The following MEF2C variants were observed in gnomAD, a reference collection of about 807,000 sequenced individuals.
The protein encoded by MEF2C is myocyte-specific enhancer factor 2C.
Under a neutral mutation model 50.5 loss-of-function variants are expected in MEF2C, and 6 were observed. The observed-to-expected ratio is 0.12, with a 90% CI of 0.07 to 0.23. The LOEUF (loss-of-function observed/expected upper bound fraction) is 0.23, where lower values mean the gene tolerates loss of function less well. MEF2C is among the 10% of genes least tolerant of loss of function. MEF2C has a pLI of 1.00. For synonymous variants in MEF2C, 183 were observed against 228.0 expected, an observed-to-expected ratio of 0.80 and a Z score of 1.78; for missense variants, 276 against 605.0, an observed-to-expected ratio of 0.46 and a Z score of 5.70.
chr5:88,767,770 C>G (rs1388217465), intron 3 of MEF2C, among the ~76,000 whole-genome samples: 1 of 152,162 alleles, frequency 6.6e-6, no homozygotes, highest in Non-Finnish European at 1.5e-5. Context: ...AAAAGACACA[C>G]TAATTAAAGA....
chr5:88,879,309 T>C (rs1303900391), intron 1 of MEF2C, among the ~76,000 whole-genome samples: 4 of 151,524 alleles, frequency 2.6e-5, no homozygotes, highest in Non-Finnish European at 5.9e-5. Flanking sequence ...CTTTATTCTC[T>C]GAAATAAACT....
intron 1 of MEF2C, chr5:88,881,120 C>A (rs1308822035): frequency 6.6e-6 from 1 of 152,016 alleles, no homozygotes; most frequent in Non-Finnish European, 1.5e-5. Context: ...AAGGTAACAG[C>A]CACCTACTGT....
At chr5:88,874,808 T>C (rs1294613368) in intron 1 of MEF2C, among the ~76,000 whole-genome samples, 3 of 152,002 alleles carry the variant, frequency 2.0e-5, no homozygotes, top group African/African-American at 4.8e-5. Flanking sequence ...CTAACATTTA[T>C]ACACTATTCA....
intron 10 of MEF2C, among the ~76,000 whole-genome samples, chr5:88,723,241 T>G (rs1349312590): frequency 2.0e-5 from 3 of 152,240 alleles, no homozygotes; most frequent in Non-Finnish European, 4.4e-5. Context: ...AAAAGCATTT[T>G]CTGTGTTCAT....
rs547657633 is a variant in MEF2C at position 88,805,962 on chromosome 5, C to A, written c.55-1161G>T. Among the ~76,000 whole-genome samples, 43 of 145,464 alleles carry A rather than the reference C, an allele frequency of 3.0e-4. No homozygotes were observed. In the South Asian group the frequency reaches 9.2e-3, roughly 31 times the overall value. ...TGTAGAGTACTGTTCCTATAAAATA[C>A]TCCTTAAGAAAAAAGTTCAGTGGCC... On this transcript the variant is annotated intron_variant, in intron 2 of 10. Transcript: ENST00000504921.
intron 3 of MEF2C, among the ~76,000 whole-genome samples, chr5:88,781,474 C>T (rs1038866734): frequency 6.6e-5 from 10 of 152,044 alleles, no homozygotes; most frequent in Admixed American, 5.9e-4. Flanking sequence ...AGAATGTTGC[C>T]CAAGATCACA....
chr5:88,891,277 A>G (rs1561493463), intron 1 of MEF2C, among the ~76,000 whole-genome samples: 1 of 152,226 alleles, frequency 6.6e-6, no homozygotes, highest in Non-Finnish European at 1.5e-5. Context: ...GGTGTCACCT[A>G]AAGTGAAAAT....
chr5:88,772,627 A>G (rs1782883185), intron 3 of MEF2C: 1 of 634,092 alleles, frequency 1.6e-6, no homozygotes, highest in South Asian at 7.0e-5. Context: ...TCAAGGACCA[A>G]TTCTGGATTG....
At chr5:88,757,502 C>G (rs1018599366) in intron 4 of MEF2C, among the ~76,000 whole-genome samples, 9 of 152,194 alleles carry the variant, frequency 5.9e-5, no homozygotes, top group Non-Finnish European at 1.3e-4. Flanking sequence ...ACAAGTCTAT[C>G]ATGGACTTGT....
intron 3 of MEF2C, among the ~76,000 whole-genome samples, chr5:88,802,362 G>A (rs936459184): frequency 6.6e-6 from 1 of 152,184 alleles, no homozygotes; most frequent in African/African-American, 2.4e-5. Flanking sequence ...TGCTGTTTTT[G>A]TGGCATTTAA....
chr5:88,887,852 G>A (rs948081812), upstream of MEF2C, among the ~76,000 whole-genome samples: 2 of 152,192 alleles, frequency 1.3e-5, no homozygotes, highest in African/African-American at 4.8e-5. Flanking sequence ...TATACAGCAT[G>A]TGGAATGTCT....
chr5:88,734,586 T>TTTTTTTTTTTTTTTTTTTTTC (rs1763275632), intron 6 of MEF2C: 1 of 940,212 alleles, frequency 1.1e-6, no homozygotes, highest in Non-Finnish European at 1.3e-6. Context: ...TTTTTTTTTT[T>TTTTTTTTTTTTTTTTTTTTTC]TTTTTTTTTT....
chr5:88,726,663 G>A (rs1758929293), intron 10 of MEF2C, among the ~76,000 whole-genome samples: 1 of 152,144 alleles, frequency 6.6e-6, no homozygotes, highest in Admixed American at 6.6e-5. Flanking sequence ...ATTAAGTGTT[G>A]AAAGGAACCG....
chr5:88,720,610 T>C lies in MEF2C; in HGVS notation c.*1994A>G, dbSNP rs1053385813. 1.3e-5 allele frequency: 2 copies of C among 152,652 alleles called. No homozygotes were observed. The highest frequency in any genetic ancestry group is 2.4e-5 in the African/African-American group (1 of 41,466). 9.5% of individuals were successfully genotyped at this position (152,652 alleles called of 1,614,324 possible). A position where few individuals can be genotyped will look rare whatever the true frequency, so the allele number is the denominator to read the frequency against. On this transcript the variant is annotated 3_prime_UTR_variant, in exon 11 of 11. Coordinates refer to ENST00000504921, the MANE Select transcript of MEF2C (RefSeq NM_002397.5). Reference sequence around the variant, plus strand: ...ATATTACTGCCTATATCTTCTTTGCTGTGTATGTCAATGCATATGATTGGA... The same window carrying C: ...ATATTACTGCCTATATCTTCTTTGCCGTGTATGTCAATGCATATGATTGGA...
chr5:88,819,906 C>T (rs1035603819), intron 2 of MEF2C, among the ~76,000 whole-genome samples: 4 of 151,922 alleles, frequency 2.6e-5, no homozygotes, highest in Non-Finnish European at 4.4e-5. Context: ...TGGTCCTTTA[C>T]AGGAAAGCTC....
intron 3 of MEF2C, among the ~76,000 whole-genome samples, chr5:88,797,748 T>A (rs1468002364): frequency 6.6e-6 from 1 of 152,184 alleles, no homozygotes; most frequent in Non-Finnish European, 1.5e-5. Context: ...GTCAATGGTC[T>A]TTACAATTTG....
In MEF2C at chr5:88,749,562, A is replaced by G. The variant is rs1458247193; in HGVS notation, c.590-445T>C. 12 of 888,490 alleles carry G rather than the reference A, an allele frequency of 1.4e-5. No homozygotes were observed. In the South Asian group the frequency reaches 4.2e-4, roughly 31 times the overall value. 55.0% of individuals were successfully genotyped at this position (888,490 alleles called of 1,614,324 possible). A position where few individuals can be genotyped will look rare whatever the true frequency, so the allele number is the denominator to read the frequency against. On this transcript the variant is annotated intron_variant, in intron 5 of 10. Coordinates refer to ENST00000504921, the MANE Select transcript of MEF2C (RefSeq NM_002397.5). ...AGAAATTTGATCGTTTCATGAATCT[A>G]CCCACATTTACTACTAAAATCTTAT...
intron 1 of MEF2C, among the ~76,000 whole-genome samples, chr5:88,902,389 A>G (rs1362618465): frequency 6.6e-6 from 1 of 151,890 alleles, no homozygotes; most frequent in East Asian, 1.9e-4. Flanking sequence ...TTTATAATAA[A>G]AAGTATATTT....
At chr5:88,754,250 C>T (rs552345840) in intron 4 of MEF2C, among the ~76,000 whole-genome samples, 4 of 152,344 alleles carry the variant, frequency 2.6e-5, no homozygotes, top group South Asian at 4.1e-4. Context: ...CTGCGTTTCT[C>T]TAGCGAAGAC....
Sources: allele counts gnomAD v4.1 joint callset (sites outside exome capture counted in the v4.1 genomes callset), GRCh38; gene constraint gnomAD v4.1.1; transcripts MANE v1.5; gene names NCBI Gene and HGNC (gene_info 2026-07-23, HGNC 2026-07-21).